The following DISC1 variants were observed in gnomAD, a reference collection of about 807,000 sequenced individuals.
DISC1 encodes disrupted in schizophrenia 1 protein.
A neutral mutation model predicts 84.5 loss-of-function variants in DISC1; 57 were observed. The observed-to-expected ratio is 0.67, with a 90% confidence interval of 0.55 to 0.84. The LOEUF is 0.84. Among genes scored for constraint, DISC1 ranks in the 40% least tolerant of loss-of-function variants. The pLI is 0.00. For synonymous variants in DISC1, 411 were observed against 415.2 expected, an observed-to-expected ratio of 0.99 and a Z score of 0.12; for missense variants, 1,000 against 1,057.8, an observed-to-expected ratio of 0.95 and a Z score of 0.76.
At chr1:231,825,393 A>G (rs1020951819) in intron 9 of DISC1, among the ~76,000 whole-genome samples, 2 of 152,160 alleles carry the variant, frequency 1.3e-5, no homozygotes, top group African/African-American at 4.8e-5. Flanking sequence ...TCTGCTTTGT[A>G]GATTATTCTT....
intron 4 of DISC1, chr1:231,750,506 A>G: frequency 1.0e-6 from 1 of 995,794 alleles, no homozygotes; most frequent in African/African-American, 1.7e-5. Context: ...CTCCTGAGCA[A>G]CATTTGCTAT....
intron 6 of DISC1, among the ~76,000 whole-genome samples, chr1:231,786,055 GTC>G (rs1173094957): frequency 6.6e-6 from 1 of 151,388 alleles, no homozygotes; most frequent in Non-Finnish European, 1.5e-5. Context: ...GTATATTTCT[GTC>G]TCTATTACTC....
chr1:231,811,754 G>C (rs939103660), intron 8 of DISC1, among the ~76,000 whole-genome samples: 1 of 152,134 alleles, frequency 6.6e-6, no homozygotes, highest in Non-Finnish European at 1.5e-5. Flanking sequence ...TTCTACCCAG[G>C]TGTTGACTAA....
chr1:231,989,273 C>G (rs543559995), intron 10 of DISC1, among the ~76,000 whole-genome samples: 1 of 152,202 alleles, frequency 6.6e-6, no homozygotes, highest in Non-Finnish European at 1.5e-5. Context: ...TTTCAGCTGA[C>G]GGTCCACCCA....
At position 231,882,423 on chromosome 1, in the gene DISC1, T is replaced by C. The variant is rs2086352903; in HGVS notation, c.1981+63906T>C. Among the ~76,000 whole-genome samples the C allele has an allele frequency of 2.0e-5, 3 of 152,146 alleles. No homozygotes were observed. In the South Asian group the frequency reaches 6.2e-4, roughly 32 times the overall value. The stretch of plus-strand genomic sequence containing the variant: ...AGAAACGTAGTTGACAGGAATTAGA[T>C]TTGGAAATCTTTCAGAGAAAATGTG... On this transcript the variant is annotated intron_variant, in intron 9 of 12. Transcript: ENST00000439617.
At chr1:232,023,375 A>C (rs1259301065) in intron 11 of DISC1, among the ~76,000 whole-genome samples, 1 of 152,168 alleles carries the variant, frequency 6.6e-6, no homozygotes, top group Admixed American at 6.5e-5. Context: ...TTTGCATGAA[A>C]AATCTTTTAT....
chr1:231,980,812 C>CT (rs1165501923), intron 10 of DISC1, among the ~76,000 whole-genome samples: 2 of 152,092 alleles, frequency 1.3e-5, no homozygotes, highest in African/African-American at 2.4e-5. Flanking sequence ...TCCTGGGGTC[C>CT]TTTTTTTGAG....
intron 3 of DISC1, among the ~76,000 whole-genome samples, chr1:231,732,861 G>T (rs149637055): frequency 6.6e-6 from 1 of 152,218 alleles, no homozygotes; most frequent in Non-Finnish European, 1.5e-5. Flanking sequence ...AGCAGTGGTC[G>T]TGGTGCTGAT....
At position 232,036,850 on chromosome 1, in the gene DISC1, A is replaced by AGGGGGGG; in HGVS notation, c.*22_*23insGGGGGGG. On this transcript the variant is annotated 3_prime_UTR_variant, in exon 13 of 13. Transcript: ENST00000439617. ...AGCCTGAGGAGTGACGGGATGGGGG[A>AGGGGGGG]GGGAGGTGGGCCACCATGTTTGGAC... 4.2e-6 allele frequency: 4 copies of AGGGGGGG among 957,476 alleles called. No individual in the cohort carries two copies. Among genetic ancestry groups the AGGGGGGG allele is most frequent in the South Asian group, 1.6e-5 (1 of 61,700 alleles). The allele number at this position is 957,476 out of a possible 1,614,324, so 59.3% of individuals were successfully genotyped here. A position where few individuals can be genotyped will look rare whatever the true frequency, so the allele number is the denominator to read the frequency against.
chr1:231,668,133 C>G (rs1293929137), intron 1 of DISC1, among the ~76,000 whole-genome samples: 1 of 152,010 alleles, frequency 6.6e-6, no homozygotes, highest in African/African-American at 2.4e-5. Context: ...CTTGTGAAAA[C>G]CACCTGTGAA....
At chr1:232,035,076 C>T (rs934192314) in intron 12 of DISC1, among the ~76,000 whole-genome samples, 1 of 152,114 alleles carries the variant, frequency 6.6e-6, no homozygotes, top group Non-Finnish European at 1.5e-5. Context: ...ACTGCCAGAA[C>T]TTTTCAGGGT....
intron 10 of DISC1, among the ~76,000 whole-genome samples, chr1:232,002,624 CACACACACACACACAA>C (rs756815875): frequency 6.4e-5 from 7 of 110,120 alleles, no homozygotes; most frequent in African/African-American, 2.5e-4. Context: ...CACACACACA[CACACACACACACACAA>C]AAGCCAATCC....
intron 9 of DISC1, among the ~76,000 whole-genome samples, chr1:231,923,344 G>A (rs190507661): frequency 1.3e-5 from 2 of 150,530 alleles, no homozygotes; most frequent in Non-Finnish European, 3.0e-5. Flanking sequence ...ATCCGTTTTC[G>A]CTGAGCCCTC....
chr1:232,019,405 T>G (rs16856202), intron 11 of DISC1, among the ~76,000 whole-genome samples: 4,964 of 152,294 alleles, frequency 0.033, 153 homozygotes, highest in East Asian at 0.15. Context: ...CAAGACAAAT[T>G]ACTGGAGAGT....
At chr1:231,953,699 AGGTCTCACTT>A (rs1302669297) in intron 9 of DISC1, among the ~76,000 whole-genome samples, 2 of 152,220 alleles carry the variant, frequency 1.3e-5, no homozygotes, top group Non-Finnish European at 2.9e-5. Context: ...AATGTAGGCC[AGGTCTCACTT>A]GGTACTTAAT....
chr1:231,738,562 TCA>T (rs2072827609), intron 3 of DISC1, among the ~76,000 whole-genome samples: 1 of 152,130 alleles, frequency 6.6e-6, no homozygotes, highest in Admixed American at 6.5e-5. Context: ...ACATCAGGTG[TCA>T]CACAGTGTGG....
At chr1:231,652,780 C>A (rs1317679336) in intron 1 of DISC1, among the ~76,000 whole-genome samples, 1 of 152,066 alleles carries the variant, frequency 6.6e-6, no homozygotes, top group Non-Finnish European at 1.5e-5. Context: ...ACTGTTATTT[C>A]TTTCTTCTTT....
intron 9 of DISC1, among the ~76,000 whole-genome samples, chr1:231,900,573 C>T (rs922120257): frequency 6.6e-6 from 1 of 152,076 alleles, no homozygotes; most frequent in Non-Finnish European, 1.5e-5. Context: ...GTTTGTGAAC[C>T]GTTATATTCG....
At chr1:232,024,855 G>A (rs1669302743) in intron 11 of DISC1, among the ~76,000 whole-genome samples, 1 of 152,100 alleles carries the variant, frequency 6.6e-6, no homozygotes, top group Admixed American at 6.6e-5. Flanking sequence ...CTCCCAAAGT[G>A]CTGGGATTAC....
Sources: gnomAD v4.1 joint callset for allele counts (sites outside exome capture counted in the v4.1 genomes callset) on GRCh38, gnomAD v4.1.1 for gene constraint, MANE v1.5 for transcripts, NCBI Gene and HGNC (gene_info 2026-07-23, HGNC 2026-07-21) for gene names.